Variants in KMT2A observed in about 807,000 individuals in gnomAD.
The protein encoded by KMT2A is histone-lysine N-methyltransferase 2A.
In KMT2A, 16 loss-of-function variants were observed where a neutral mutation model predicts 345.3. The ratio of observed to expected loss-of-function variants is 0.05; its 90% confidence interval spans 0.03 to 0.07. KMT2A has a LOEUF of 0.07. Ranked by LOEUF, KMT2A falls within the 10% of genes least tolerant of loss-of-function variation. The pLI, the probability that KMT2A is intolerant of heterozygous loss-of-function variation, is 1.00. For missense variants in KMT2A, 3,272 were observed against 4,841.6 expected (o/e 0.68, Z 9.62); for synonymous variants, 1,599 against 1,778.6 (o/e 0.90, Z 2.54).
intron 1 of KMT2A, among the ~76,000 whole-genome samples, chr11:118,461,644 G>T (rs1949745771): frequency 6.6e-6 from 1 of 152,172 alleles, no homozygotes; most frequent in Non-Finnish European, 1.5e-5. Flanking sequence ...CCTGAGCCCA[G>T]TTCCCAGGAG....
intron 28 of KMT2A, 61 bp from the exon 29 acceptor site, chr11:118,509,075 G>A (rs2134425946): frequency 1.4e-6 from 2 of 1,442,834 alleles, no homozygotes; most frequent in Non-Finnish European, 1.9e-6. Context: ...GAAAATTCTG[G>A]GTTTTTTCTT....
Position 118,472,644 on chromosome 11 carries a change from G to T in KMT2A, c.1485G>T (p.Glu495Asp). The change falls in exon 3 of 36, where the codon GAG becomes GAT. Residue 495 changes from glutamate to aspartate, a missense_variant. Physicochemically the swap from Glu to Asp is conservative, Grantham distance 45. This residue lies in a region of KMT2A where 180 missense variants were observed against 190.7 expected (regional missense o/e 0.94). Transcript: ENST00000534358. ...CCACAGACTCTCAGGCTTCTGAGGAGATTCAGGTACTTCCTGAGGAGCGGA... is the reference window on the plus strand; with the variant it reads ...CCACAGACTCTCAGGCTTCTGAGGATATTCAGGTACTTCCTGAGGAGCGGA... ...DTSTDSQASE[E>D]IQVLPEERSD... The T allele has an allele frequency of 6.2e-7, 1 of 1,612,830 alleles. No homozygotes were observed. The highest frequency in any genetic ancestry group is 8.5e-7 in the Non-Finnish European group (1 of 1,179,848).
At chr11:118,439,268 T>G in intron 1 of KMT2A, 1 of 350,974 alleles carries the variant, frequency 2.8e-6, no homozygotes, top group African/African-American at 2.1e-5. Flanking sequence ...CATGTATATT[T>G]GAGTTTAATA....
At chr11:118,463,130 T>A (rs956826508) in intron 1 of KMT2A, among the ~76,000 whole-genome samples, 6 of 152,204 alleles carry the variant, frequency 3.9e-5, no homozygotes, top group African/African-American at 7.2e-5. Flanking sequence ...CTTTATTTTT[T>A]TTTTTTAAAT....
In KMT2A at chr11:118,526,744, AAGG is replaced by A. The variant is rs1223845965; in HGVS notation, c.*4575_*4577del. ...AAAAAGTGTACATAGTTGTAAAAAA[AAGG>A]AGTTTTTAAACATGTTTATTTTCTA... On this transcript the variant is annotated 3_prime_UTR_variant, in exon 36 of 36. Transcript: ENST00000534358. 4 of 229,568 alleles carry A rather than the reference AAGG, an allele frequency of 1.7e-5. No homozygotes were observed. Among genetic ancestry groups the A allele is most frequent in the Middle Eastern group, 1.3e-3 (1 of 786 alleles). The allele number at this position is 229,568 out of a possible 1,614,324, so 14.2% of individuals were successfully genotyped here.
Position 118,498,278 on chromosome 11 carries a change from A to G in KMT2A, c.5803-92A>G, listed in dbSNP as rs1950442171. On this transcript the variant is annotated intron_variant, in intron 21 of 35. Transcript: ENST00000534358. This position sits in a 1 kb window ranked among gnomAD's most constrained non-coding sequence, Gnocchi z 4.4. ...TCAATAGATAAAATGAATTGTAGGA[A>G]CTGTAGAATGGGATGAGTCTATAGA... 11 of 1,253,074 alleles carry G rather than the reference A, an allele frequency of 8.8e-6. No homozygotes were observed. Among genetic ancestry groups the G allele is most frequent in the Non-Finnish European group, 2.2e-6 (2 of 898,038 alleles). 77.6% of individuals were successfully genotyped at this position (1,253,074 alleles called of 1,614,324 possible). A position where few individuals can be genotyped will look rare whatever the true frequency, so the allele number is the denominator to read the frequency against.
At chr11:118,466,620 A>AGCCT (rs2134243216) in intron 1 of KMT2A, among the ~76,000 whole-genome samples, 1 of 152,296 alleles carries the variant, frequency 6.6e-6, no homozygotes, top group Admixed American at 6.5e-5. Flanking sequence ...GTTCAAGACC[A>AGCCT]GCCTGGCCAA....
intron 29 of KMT2A, 43 bp downstream of exon 29, chr11:118,509,243 C>T: frequency 6.8e-7 from 1 of 1,461,308 alleles, no homozygotes; most frequent in South Asian, 1.2e-5. Context: ...AATATCAATG[C>T]TAAAAGGATT....
rs2135295879 is a variant in KMT2A, at chr11:118,521,469, G to C, written c.11643+52G>C. The C allele has an allele frequency of 1.3e-6, 2 of 1,592,730 alleles. No individual in the cohort carries two copies. The highest frequency in any genetic ancestry group is 1.7e-6 in the Non-Finnish European group (2 of 1,163,096). ...GTTCTTTTGTTTTGCTGTAGAAAGG[G>C]ACCAGTATGACCCCTGGATCACAAA... On this transcript the variant is annotated intron_variant, in intron 35 of 35. Transcript: ENST00000534358. The surrounding 1 kb of genome is among the most constrained non-coding windows in gnomAD (Gnocchi z 5.3).
intron 1 of KMT2A, among the ~76,000 whole-genome samples, chr11:118,454,303 C>T (rs964774184): frequency 5.9e-5 from 9 of 152,324 alleles, no homozygotes; most frequent in South Asian, 2.1e-4. Context: ...GCCTACTTCT[C>T]GAGCATTGTC....
In KMT2A at chr11:118,484,386, A is replaced by C. The variant is rs1431120672; in HGVS notation, c.4218+72A>C. The C allele has an allele frequency of 2.0e-6, 3 of 1,511,730 alleles. No homozygotes were observed. Among genetic ancestry groups the C allele is most frequent in the Admixed American group, 3.7e-5 (2 of 54,248 alleles). The allele number at this position is 1,511,730 out of a possible 1,614,324, so 93.6% of individuals were successfully genotyped here. A position where few individuals can be genotyped will look rare whatever the true frequency, so the allele number is the denominator to read the frequency against. ...TAAATAAAGAAAATGCTACTACCAA[A>C]GGTGTTGAAAGAGGAAATCAGCACC... On this transcript the variant is annotated intron_variant, in intron 9 of 35. Transcript: ENST00000534358. The surrounding 1 kb of genome is among the most constrained non-coding windows in gnomAD (Gnocchi z 4.1).
chr11:118,501,240 T>A, intron 25 of KMT2A, 93 bp downstream of exon 25: 1 of 1,175,684 alleles, frequency 8.5e-7, no homozygotes, highest in East Asian at 2.4e-5. Context: ...GGTGAATCAC[T>A]TGAGGCCAGG....
In KMT2A at chr11:118,504,848, C is replaced by A. The variant is rs1270633054; in HGVS notation, c.8956C>A (p.Pro2986Thr). Reference sequence around the variant, plus strand: ...AGCACTGCTGAGCCCAGGAGTAGATCCAACTCCTGAAGGCCACATGACTCC... The same window carrying A: ...AGCACTGCTGAGCCCAGGAGTAGATACAACTCCTGAAGGCCACATGACTCC... The part of the protein sequence containing the change: ...DPALLSPGVD[P>T]TPEGHMTPDH... Residue 2986 changes from proline to threonine, a missense_variant, in exon 27 of 36, where the codon CCA becomes ACA. Physicochemically the swap from Pro to Thr is conservative, Grantham distance 38. This residue lies in a region of KMT2A where 748 missense variants were observed against 922.2 expected (regional missense o/e 0.81). Transcript: ENST00000534358. This position sits in a 1 kb window ranked among gnomAD's most constrained non-coding sequence, Gnocchi z 6.4. 2.5e-6 allele frequency: 4 copies of A among 1,613,902 alleles called. No homozygotes were observed. The highest frequency in any genetic ancestry group is 2.5e-6 in the Non-Finnish European group (3 of 1,179,920).
Position 118,450,456 on chromosome 11 carries a change from GTA to G in KMT2A, c.432+13513_432+13514del, listed in dbSNP as rs1299144338. The stretch of plus-strand genomic sequence containing the variant: ...TGTTGACATGGAGTGGGGATGAGGG[GTA>G]CTACCTATTTCTCTAGTTACAAAGT... On this transcript the variant is annotated intron_variant, in intron 1 of 35. Transcript: ENST00000534358. 2.6e-5 allele frequency: 4 copies of G among 152,198 alleles called. No individual in the cohort carries two copies. The East Asian group carries it at 5.8e-4, about 22-fold the overall frequency. The allele number at this position is 152,198 out of a possible 1,614,324, so 9.4% of individuals were successfully genotyped here.
At chr11:118,514,095 T>C (rs1193595987) in intron 31 of KMT2A, among the ~76,000 whole-genome samples, 3 of 152,190 alleles carry the variant, frequency 2.0e-5, no homozygotes, top group African/African-American at 7.2e-5. Flanking sequence ...CTGAGTCTCC[T>C]ATCTCACCTC....
rs1949198786 is a variant in KMT2A at position 118,436,997 on chromosome 11, C to G, written c.432+53C>G. 2.2e-6 allele frequency: 3 copies of G among 1,365,882 alleles called. No individual in the cohort carries two copies. The Admixed American group carries it at 9.5e-5, about 43-fold the overall frequency. 84.6% of individuals were successfully genotyped at this position (1,365,882 alleles called of 1,614,324 possible). On this transcript the variant is annotated intron_variant, in intron 1 of 35. Transcript: ENST00000534358. The surrounding 1 kb of genome is among the most constrained non-coding windows in gnomAD (Gnocchi z 6.9). ...GGGGTCTCGACCCTCTGCGGAGCCC[C>G]CTCCCCTCCCCCATCCGGGATTGAG...
chr11:118,469,029 T>C (rs1272819488), intron 2 of KMT2A, among the ~76,000 whole-genome samples, 185 bp downstream of exon 2: 1 of 152,192 alleles, frequency 6.6e-6, no homozygotes, highest in Non-Finnish European at 1.5e-5. Context: ...TTAGGGTACA[T>C]GTGCACAATG....
chr11:118,451,207 C>CTT lies in KMT2A; in HGVS notation c.432+14283_432+14284dup, dbSNP rs1167567348. Among the ~76,000 whole-genome samples the CTT allele has an allele frequency of 1.6e-3, 198 of 120,982 alleles. 1 individual carries two copies. The highest frequency in any genetic ancestry group is 6.7e-3 in the South Asian group (23 of 3,446). 79.4% of individuals were successfully genotyped at this position (120,982 alleles called of 152,430 possible). A position where few individuals can be genotyped will look rare whatever the true frequency, so the allele number is the denominator to read the frequency against. ...CCCTCATGAAACTTGCTATCTAATT[C>CTT]TTTTTTTTTTTTTTTTTTTTTAGAG... On this transcript the variant is annotated intron_variant, in intron 1 of 35. Transcript: ENST00000534358.
intron 12 of KMT2A, 45 bp downstream of exon 12, chr11:118,489,932 A>G: frequency 6.5e-7 from 1 of 1,532,610 alleles, no homozygotes; most frequent in African/African-American, 1.4e-5. Context: ...CCACCATGTG[A>G]CTATTGGACT....
Sources: gnomAD v4.1 joint callset for allele counts (sites outside exome capture counted in the v4.1 genomes callset) on GRCh38, gnomAD v4.1.1 for gene constraint, gnomAD v4.1.1 regional missense constraint, Gnocchi (gnomAD v3.1) non-coding constraint, MANE v1.5 for transcripts, NCBI Gene and HGNC (gene_info 2026-07-23, HGNC 2026-07-21) for gene names.